The following CSNK2A2IP variants were observed in gnomAD, a reference collection of about 807,000 sequenced individuals.
The protein encoded by CSNK2A2IP is casein kinase II subunit alpha'-interacting protein.
At chr3:88,449,307 T>G in the CSNK2A2IP span, among the ~76,000 whole-genome samples, 6 of 152,308 alleles carry the variant, frequency 3.9e-5, no homozygotes, top group East Asian at 9.6e-4. Flanking sequence ...CATGTTATTT[T>G]CTGTGAATGC....
chr3:88,349,802 T>G, the CSNK2A2IP span, among the ~76,000 whole-genome samples: 44 of 152,174 alleles, frequency 2.9e-4, no homozygotes, highest in South Asian at 1.5e-3. Context: ...ATCTATTTTT[T>G]TGTGTGTGTG....
At chr3:88,455,109 C>T in the CSNK2A2IP span, among the ~76,000 whole-genome samples, 3 of 151,876 alleles carry the variant, frequency 2.0e-5, no homozygotes, top group Non-Finnish European at 4.4e-5. Flanking sequence ...TGTACACACA[C>T]ACATCACATT....
the CSNK2A2IP span, among the ~76,000 whole-genome samples, chr3:88,393,737 G>A: frequency 6.6e-6 from 1 of 152,196 alleles, no homozygotes; most frequent in Non-Finnish European, 1.5e-5. Context: ...GGTGGAGAAT[G>A]TCACTGGAGA....
chr3:88,424,121 A>T, the CSNK2A2IP span, among the ~76,000 whole-genome samples: 5 of 152,168 alleles, frequency 3.3e-5, no homozygotes, highest in Non-Finnish European at 7.3e-5. Flanking sequence ...CCCTACTTCT[A>T]AACTCAGTTC....
chr3:88,450,074 G>A, the CSNK2A2IP span, among the ~76,000 whole-genome samples: 3 of 151,338 alleles, frequency 2.0e-5, no homozygotes, highest in African/African-American at 7.3e-5. Context: ...TCATCATGTT[G>A]GCCAGGCTGT....
chr3:88,461,679 T>G, the CSNK2A2IP span, among the ~76,000 whole-genome samples: 2 of 150,160 alleles, frequency 1.3e-5, no homozygotes, highest in Non-Finnish European at 2.9e-5. Context: ...TACTCACCAA[T>G]TATTGCTTTT....
the CSNK2A2IP span, among the ~76,000 whole-genome samples, chr3:88,459,352 T>C: frequency 1.3e-5 from 2 of 152,234 alleles, no homozygotes; most frequent in African/African-American, 4.8e-5. Flanking sequence ...CTGTTAAATA[T>C]CGGTATTGAA....
chr3:88,404,117 AG>A, the CSNK2A2IP span, among the ~76,000 whole-genome samples: 1 of 152,038 alleles, frequency 6.6e-6, no homozygotes. Context: ...AAAAAAAAAA[AG>A]TTGAAGGAGG....
the CSNK2A2IP span, among the ~76,000 whole-genome samples, chr3:88,366,376 C>A: frequency 1.3e-5 from 2 of 152,062 alleles, no homozygotes; most frequent in Non-Finnish European, 2.9e-5. Flanking sequence ...AACTGAAAAC[C>A]AGATGAAGCT....
the CSNK2A2IP span, among the ~76,000 whole-genome samples, chr3:88,444,407 A>G: frequency 6.6e-6 from 1 of 152,200 alleles, no homozygotes; most frequent in Non-Finnish European, 1.5e-5. Flanking sequence ...TAATGCTTAT[A>G]CTCAGCAAAT....
the CSNK2A2IP span, among the ~76,000 whole-genome samples, chr3:88,401,757 G>T: frequency 6.6e-6 from 1 of 151,910 alleles, no homozygotes; most frequent in Non-Finnish European, 1.5e-5. Context: ...GTCCAACTTT[G>T]CAACTGAGTA....
chr3:88,341,671 C>A, the CSNK2A2IP span, among the ~76,000 whole-genome samples: 1 of 151,698 alleles, frequency 6.6e-6, no homozygotes, highest in Non-Finnish European at 1.5e-5. Context: ...GAATTATGAT[C>A]CAGATTTGGC....
the CSNK2A2IP span, among the ~76,000 whole-genome samples, chr3:88,366,636 A>G: frequency 6.6e-6 from 1 of 152,014 alleles, no homozygotes; most frequent in Non-Finnish European, 1.5e-5. Context: ...AATTTCTAGG[A>G]TTAAGAAAGA....
At chr3:88,463,204 A>G in the CSNK2A2IP span, among the ~76,000 whole-genome samples, 2 of 151,890 alleles carry the variant, frequency 1.3e-5, no homozygotes, top group Non-Finnish European at 2.9e-5. Context: ...CCAGGGCCTC[A>G]GGCCAACGAC....
the CSNK2A2IP span, among the ~76,000 whole-genome samples, chr3:88,441,501 T>C: frequency 6.6e-6 from 1 of 152,164 alleles, no homozygotes; most frequent in Non-Finnish European, 1.5e-5. Context: ...ATTTCCATGA[T>C]TGATTATATG....
At chr3:88,368,578 C>T in the CSNK2A2IP span, among the ~76,000 whole-genome samples, 10 of 151,928 alleles carry the variant, frequency 6.6e-5, no homozygotes, top group Non-Finnish European at 1.3e-4. Context: ...AGTATGATTT[C>T]CTCCACAAGA....
the CSNK2A2IP span, among the ~76,000 whole-genome samples, chr3:88,441,929 T>G: frequency 6.6e-6 from 1 of 152,176 alleles, no homozygotes; most frequent in Non-Finnish European, 1.5e-5. Context: ...GAAAAAGGAC[T>G]GTCTTACTTA....
At chr3:88,411,675 T>C in the CSNK2A2IP span, among the ~76,000 whole-genome samples, 1 of 152,016 alleles carries the variant, frequency 6.6e-6, no homozygotes, top group East Asian at 1.9e-4. Flanking sequence ...AACTTAGATA[T>C]GGGTATCTAC....
chr3:88,361,355 CT>C, the CSNK2A2IP span, among the ~76,000 whole-genome samples: 1 of 151,992 alleles, frequency 6.6e-6, no homozygotes, highest in Non-Finnish European at 1.5e-5. Context: ...TTTTTCCTTC[CT>C]TTTTGAAAAA....
Sources: allele counts gnomAD v4.1 joint callset (sites outside exome capture counted in the v4.1 genomes callset), GRCh38; gene constraint gnomAD v4.1.1; transcripts MANE v1.5; gene names NCBI Gene and HGNC (gene_info 2026-07-23, HGNC 2026-07-21).